The following CELF4 variants were observed in gnomAD, a reference collection of about 807,000 sequenced individuals.
CELF4 encodes CUG-BP- and ETR-3-like factor 4.
Under a neutral mutation model 59.9 loss-of-function variants are expected in CELF4, and 18 were observed. That is an observed-to-expected ratio of 0.30 (90% CI 0.21 to 0.45). CELF4 has a LOEUF of 0.45. Among genes scored for constraint, CELF4 ranks in the 20% least tolerant of loss-of-function variants. CELF4 has a pLI of 1.00. For synonymous variants in CELF4, 261 were observed against 267.1 expected (o/e 0.98, Z 0.22); for missense variants, 456 against 689.0 (o/e 0.66, Z 3.79).
At chr18:37,476,390 T>C (rs1035787294) in intron 2 of CELF4, among the ~76,000 whole-genome samples, 1 of 152,174 alleles carries the variant, frequency 6.6e-6, no homozygotes, top group Non-Finnish European at 1.5e-5. Flanking sequence ...TGGCGCCCCC[T>C]GGTGGGCTCA....
intron 3 of CELF4, among the ~76,000 whole-genome samples, chr18:37,285,228 C>T (rs565971505): frequency 6.6e-6 from 1 of 152,330 alleles, no homozygotes; most frequent in South Asian, 2.1e-4. Flanking sequence ...CACAGCCTGC[C>T]TGTCTTGAAG....
chr18:37,403,772 G>C (rs546322179), intron 2 of CELF4, among the ~76,000 whole-genome samples: 4 of 152,332 alleles, frequency 2.6e-5, no homozygotes, highest in African/African-American at 9.6e-5. Context: ...GAAATGATGT[G>C]TGCAGGCTCA....
chr18:37,366,195 G>C (rs472056), intron 2 of CELF4, among the ~76,000 whole-genome samples: 2 of 152,102 alleles, frequency 1.3e-5, no homozygotes, highest in Non-Finnish European at 2.9e-5. Context: ...ACCAGATCTC[G>C]AGGCACTCAA....
chr18:37,421,485 G>A (rs2099577795), intron 2 of CELF4, among the ~76,000 whole-genome samples: 1 of 152,214 alleles, frequency 6.6e-6, no homozygotes. Context: ...CAATGAAGAA[G>A]GCAGCCTAGG....
intron 2 of CELF4, among the ~76,000 whole-genome samples, chr18:37,374,417 A>G (rs1307492262): frequency 6.6e-6 from 1 of 152,088 alleles, no homozygotes; most frequent in Non-Finnish European, 1.5e-5. Context: ...TGGAACATCC[A>G]TATTCCCTAC....
intron 2 of CELF4, among the ~76,000 whole-genome samples, chr18:37,327,865 C>T (rs777057414): frequency 6.6e-6 from 1 of 152,214 alleles, no homozygotes; most frequent in Non-Finnish European, 1.5e-5. Context: ...TTTCTCCCCA[C>T]CTGGAAAGCT....
intron 2 of CELF4, among the ~76,000 whole-genome samples, chr18:37,389,302 C>G (rs2099132131): frequency 6.6e-6 from 1 of 152,194 alleles, no homozygotes; most frequent in Admixed American, 6.5e-5. Flanking sequence ...TAGATCAGAT[C>G]AGAGTCCACA....
intron 1 of CELF4, among the ~76,000 whole-genome samples, chr18:37,541,976 T>C (rs2099978155): frequency 6.6e-6 from 1 of 152,108 alleles, no homozygotes; most frequent in Non-Finnish European, 1.5e-5. Context: ...AAATGTGAGC[T>C]CCAGGAGATC....
chr18:37,476,794 C>T (rs530519367), intron 2 of CELF4, among the ~76,000 whole-genome samples: 13 of 152,316 alleles, frequency 8.5e-5, no homozygotes, highest in African/African-American at 2.4e-4. Context: ...CAGCCTCACA[C>T]GGATTCATGC....
At chr18:37,325,100 G>A (rs1443358137) in intron 2 of CELF4, among the ~76,000 whole-genome samples, 1 of 152,148 alleles carries the variant, frequency 6.6e-6, no homozygotes, top group Non-Finnish European at 1.5e-5. Flanking sequence ...AGGCCTGGCT[G>A]AGAAGGGGCA....
chr18:37,316,443 C>T (rs2096872807), intron 3 of CELF4, among the ~76,000 whole-genome samples: 1 of 152,092 alleles, frequency 6.6e-6, no homozygotes, highest in South Asian at 2.1e-4. Flanking sequence ...TAATTGGAAC[C>T]CCAGATCCTG....
chr18:37,493,622 C>T (rs1044660109), intron 1 of CELF4, among the ~76,000 whole-genome samples: 2 of 151,744 alleles, frequency 1.3e-5, no homozygotes, highest in Non-Finnish European at 2.9e-5. Context: ...GTAGCAGGAG[C>T]CATACGTCTT....
At chr18:37,249,684 G>A (rs551622922) in intron 12 of CELF4, among the ~76,000 whole-genome samples, 2 of 152,078 alleles carry the variant, frequency 1.3e-5, no homozygotes, top group African/African-American at 2.4e-5. Flanking sequence ...ACCCCTTCCC[G>A]ACCACTCTCG....
intron 2 of CELF4, among the ~76,000 whole-genome samples, chr18:37,482,736 C>T (rs749590703): frequency 5.3e-5 from 8 of 152,006 alleles, no homozygotes; most frequent in Admixed American, 1.3e-4. Context: ...CTCATAGTGA[C>T]GGTGGTGGTG....
intron 6 of CELF4, chr18:37,273,453 C>T: frequency 7.0e-6 from 8 of 1,136,482 alleles, no homozygotes; most frequent in Non-Finnish European, 8.6e-6. Context: ...GCTAGTCAGC[C>T]CTGTGTACAG....
chr18:37,549,664 C>T (rs929855189), intron 1 of CELF4, among the ~76,000 whole-genome samples: 1 of 151,846 alleles, frequency 6.6e-6, no homozygotes, highest in African/African-American at 2.4e-5. Flanking sequence ...AAAAGAGGTA[C>T]TATATAAGAA....
intron 3 of CELF4, among the ~76,000 whole-genome samples, chr18:37,287,336 C>A (rs1315205546): frequency 1.3e-5 from 2 of 152,226 alleles, no homozygotes; most frequent in South Asian, 2.1e-4. Flanking sequence ...CTTCAGACTG[C>A]AAAATTCTGG....
At chr18:37,377,471 C>T (rs967228307) in intron 2 of CELF4, among the ~76,000 whole-genome samples, 5 of 152,216 alleles carry the variant, frequency 3.3e-5, no homozygotes, top group African/African-American at 4.8e-5. Context: ...ATGCTTCTCA[C>T]GAGCTCCCTG....
At chr18:37,332,868 G>A (rs755479089) in intron 2 of CELF4, among the ~76,000 whole-genome samples, 2 of 152,222 alleles carry the variant, frequency 1.3e-5, no homozygotes, top group Non-Finnish European at 2.9e-5. Flanking sequence ...ACTGCCAAGG[G>A]CAGAGGGCTC....
Sources: allele counts gnomAD v4.1 joint callset (sites outside exome capture counted in the v4.1 genomes callset), GRCh38; gene constraint gnomAD v4.1.1; transcripts MANE v1.5; gene names NCBI Gene and HGNC (gene_info 2026-07-23, HGNC 2026-07-21).